ENOX1: variants seen among roughly 807,000 people sequenced by gnomAD.
ENOX1 encodes the protein ecto-NOX disulfide-thiol exchanger 1, also known as candidate growth-related and time keeping constitutive hydroquinone (NADH) oxidase.
Under a neutral mutation model 82.5 loss-of-function variants are expected in ENOX1, and 42 were observed. The ratio of observed to expected loss-of-function variants is 0.51; its 90% CI spans 0.40 to 0.66. The LOEUF is 0.66. Ranked by LOEUF, ENOX1 falls within the 30% of genes least tolerant of loss-of-function variation. The pLI is 0.00. For synonymous variants in ENOX1, 271 were observed against 282.2 expected (o/e 0.96, Z 0.40); for missense variants, 608 against 811.6 (o/e 0.75, Z 3.05).
At chr13:43,366,970 C>T (rs561276884) in intron 5 of ENOX1, among the ~76,000 whole-genome samples, 5 of 151,908 alleles carry the variant, frequency 3.3e-5, no homozygotes, top group Admixed American at 6.5e-5. Context: ...ATTTACATAA[C>T]CTTATATAAA....
intron 12 of ENOX1, among the ~76,000 whole-genome samples, chr13:43,280,785 A>G (rs1410041413): frequency 6.6e-6 from 1 of 152,240 alleles, no homozygotes; most frequent in African/African-American, 2.4e-5. Context: ...AACTAGGAGA[A>G]TCACACATTT....
intron 1 of ENOX1, among the ~76,000 whole-genome samples, chr13:43,738,363 CAT>C (rs1398698480): frequency 6.6e-6 from 1 of 152,062 alleles, no homozygotes; most frequent in Non-Finnish European, 1.5e-5. Flanking sequence ...AAGAAAATAA[CAT>C]ATTATATTGA....
chr13:43,630,425 G>A (rs1352886712), intron 2 of ENOX1, among the ~76,000 whole-genome samples: 2 of 152,004 alleles, frequency 1.3e-5, no homozygotes, highest in African/African-American at 2.4e-5. Context: ...CAGTAACTAG[G>A]AATCCCTATC....
At chr13:43,661,578 G>A (rs948589771) in intron 2 of ENOX1, among the ~76,000 whole-genome samples, 2 of 152,198 alleles carry the variant, frequency 1.3e-5, no homozygotes, top group African/African-American at 4.8e-5. Flanking sequence ...ATACTGTATA[G>A]GGCAGGAAGT....
intron 2 of ENOX1, among the ~76,000 whole-genome samples, chr13:43,596,000 A>C (rs2081454778): frequency 6.6e-6 from 1 of 152,222 alleles, no homozygotes; most frequent in Non-Finnish European, 1.5e-5. Flanking sequence ...CATCATATGG[A>C]AAGGCAACTG....
At position 43,265,379 on chromosome 13, in the gene ENOX1, C is replaced by T. The variant is rs1266865625; in HGVS notation, c.1611+19G>A. Reference sequence around the variant, plus strand: ...CAACGTCAAGCAAGAAGAACAAATACCAGGTTTGTGGTACCTACATTTGAA... The same window carrying T: ...CAACGTCAAGCAAGAAGAACAAATATCAGGTTTGTGGTACCTACATTTGAA... On this transcript the variant is annotated intron_variant, in intron 14 of 16. Coordinates refer to ENST00000690772, the MANE Select transcript of ENOX1 (RefSeq NM_001347969.2). The T allele has an allele frequency of 2.5e-6, 4 of 1,604,788 alleles. No individual in the cohort carries two copies. The highest frequency in any genetic ancestry group is 4.5e-5 in the East Asian group (2 of 44,610).
intron 16 of ENOX1, among the ~76,000 whole-genome samples, chr13:43,220,892 C>T (rs1246908335): frequency 6.6e-6 from 1 of 152,180 alleles, no homozygotes; most frequent in East Asian, 1.9e-4. Context: ...TTTCCCCACC[C>T]TCATCACCTG....
intron 2 of ENOX1, among the ~76,000 whole-genome samples, chr13:43,584,515 A>G (rs888525561): frequency 6.6e-6 from 1 of 152,238 alleles, no homozygotes; most frequent in African/African-American, 2.4e-5. Flanking sequence ...CAGAGCAGAG[A>G]CTATGGGATC....
In ENOX1 at chr13:43,230,077, G is replaced by A. The variant is rs573564963; in HGVS notation, c.1715-5939C>T. 1.2e-4 allele frequency among the ~76,000 whole-genome samples: 18 copies of A among 152,304 alleles called. 1 individual carries two copies. In the South Asian group the frequency reaches 3.7e-3, roughly 32 times the overall value. ...GGCCTCAAGACTGAAGGCTGGAGAA[G>A]CCCAAAATTTAGAGGTAAGCTGAGG... is the stretch of plus-strand genomic sequence containing the variant. On this transcript the variant is annotated intron_variant, in intron 15 of 16. Transcript: ENST00000690772.
chr13:43,751,140 A>G (rs1950288645), intron 1 of ENOX1, among the ~76,000 whole-genome samples: 1 of 152,120 alleles, frequency 6.6e-6, no homozygotes, highest in South Asian at 2.1e-4. Flanking sequence ...TTATCTCTCA[A>G]TGCTTACTGG....
intron 2 of ENOX1, among the ~76,000 whole-genome samples, chr13:43,537,526 T>C (rs934396462): frequency 6.6e-6 from 1 of 152,238 alleles, no homozygotes; most frequent in Non-Finnish European, 1.5e-5. Flanking sequence ...ATGAAGTGGC[T>C]TGGGAAATAC....
chr13:43,511,610 C>A (rs1258045475), intron 2 of ENOX1, among the ~76,000 whole-genome samples: 1 of 152,114 alleles, frequency 6.6e-6, no homozygotes, highest in African/African-American at 2.4e-5. Context: ...TAAATTAGGT[C>A]AAGAGGTTCT....
In ENOX1 at chr13:43,656,355, T is replaced by C. The variant is rs773290728; in HGVS notation, c.-219+11124A>G. 2.0e-5 allele frequency among the ~76,000 whole-genome samples: 3 copies of C among 152,220 alleles called. No homozygotes were observed. In the South Asian group the frequency reaches 6.2e-4, roughly 32 times the overall value. On this transcript the variant is annotated intron_variant, in intron 2 of 16. Coordinates refer to ENST00000690772, the MANE Select transcript of ENOX1 (RefSeq NM_001347969.2). ...GTTTTTCAATCATCACTGGCAAAAA[T>C]GTAAATTTTTTAAAATTAAGACTTT...
chr13:43,714,581 C>T (rs1478301345), intron 1 of ENOX1, among the ~76,000 whole-genome samples: 1 of 152,148 alleles, frequency 6.6e-6, no homozygotes, highest in Non-Finnish European at 1.5e-5. Context: ...GGACTTGCTT[C>T]ATGAATCTGG....
intron 4 of ENOX1, 83 bp from the exon 5 acceptor site, chr13:43,412,136 G>T (rs2054172870): frequency 1.3e-6 from 2 of 1,493,400 alleles, no homozygotes; most frequent in East Asian, 4.6e-5. Flanking sequence ...AGATATGTGA[G>T]GCTTCATTTA....
At chr13:43,538,824 T>TC (rs1177166084) in intron 2 of ENOX1, among the ~76,000 whole-genome samples, 332 of 23,480 alleles carry the variant, frequency 0.014, 4 homozygotes, top group Admixed American at 0.017. Context: ...TTGCCTTTCC[T>TC]CCCCGCCCCT....
intron 2 of ENOX1, among the ~76,000 whole-genome samples, chr13:43,612,316 T>C (rs1168382482): frequency 1.3e-5 from 2 of 152,132 alleles, no homozygotes; most frequent in African/African-American, 4.8e-5. Flanking sequence ...GTCATGAAAA[T>C]ACAGATGCCC....
rs556525600 is a variant in ENOX1, at chr13:43,706,854, C to G, written c.-284-39310G>C. ...AGGAAAATATCCACTCCTACCACTT[C>G]TACTCAACATTGAACTACCAGTCCT... On this transcript the variant is annotated intron_variant, in intron 1 of 16. Coordinates refer to ENST00000690772, the MANE Select transcript of ENOX1 (RefSeq NM_001347969.2). 2.0e-5 allele frequency among the ~76,000 whole-genome samples: 3 copies of G among 151,988 alleles called. No individual in the cohort carries two copies. The East Asian group carries it at 5.8e-4, about 29-fold the overall frequency.
At chr13:43,676,104 T>C (rs143485246) in intron 1 of ENOX1, among the ~76,000 whole-genome samples, 1 of 152,136 alleles carries the variant, frequency 6.6e-6, no homozygotes, top group Non-Finnish European at 1.5e-5. Flanking sequence ...TCCTCATGAA[T>C]GGAAGAAACA....
Sources: gnomAD v4.1 joint callset for allele counts (sites outside exome capture counted in the v4.1 genomes callset) on GRCh38, gnomAD v4.1.1 for gene constraint, MANE v1.5 for transcripts, NCBI Gene and HGNC (gene_info 2026-07-23, HGNC 2026-07-21) for gene names.